NLGN1: variants seen among roughly 807,000 people sequenced by gnomAD.
NLGN1 encodes the protein neuroligin 1.
In NLGN1, 12 loss-of-function variants were observed where a neutral mutation model predicts 65.5. That is an observed-to-expected ratio of 0.18 (90% CI 0.12 to 0.30). The LOEUF is 0.30. Ranked by LOEUF, NLGN1 falls within the 10% of genes least tolerant of loss-of-function variation. NLGN1 has a pLI of 1.00. For synonymous variants in NLGN1, 350 were observed against 359.5 expected, an observed-to-expected ratio of 0.97 and a Z score of 0.30; for missense variants, 750 against 1,007.1, an observed-to-expected ratio of 0.74 and a Z score of 3.46.
intron 3 of NLGN1, among the ~76,000 whole-genome samples, chr3:173,791,868 C>T (rs1188616421): frequency 1.3e-5 from 2 of 152,024 alleles, no homozygotes; most frequent in African/African-American, 4.8e-5. Context: ...GTTTCTTCAC[C>T]TGTGAAATGA....
chr3:173,638,634 T>C (rs1756958841), intron 3 of NLGN1, among the ~76,000 whole-genome samples: 1 of 152,186 alleles, frequency 6.6e-6, no homozygotes, highest in African/African-American at 2.4e-5. Flanking sequence ...TTTGATGAGA[T>C]AGTATACAAG....
chr3:174,124,650 T>G (rs1455966811), intron 4 of NLGN1, among the ~76,000 whole-genome samples: 2 of 147,644 alleles, frequency 1.4e-5, no homozygotes, highest in African/African-American at 4.9e-5. Context: ...TATAAGTACA[T>G]ACTTATATAT....
intron 4 of NLGN1, among the ~76,000 whole-genome samples, chr3:173,897,492 T>C (rs1255967635): frequency 2.6e-5 from 4 of 152,212 alleles, no homozygotes; most frequent in South Asian, 2.1e-4. Context: ...CAAATATGAA[T>C]AGCTAAGGTT....
chr3:173,645,294 C>T (rs1758068583), intron 3 of NLGN1, among the ~76,000 whole-genome samples: 1 of 152,246 alleles, frequency 6.6e-6, no homozygotes. Context: ...CCCTCCCTCA[C>T]AGACATGCAT....
chr3:173,678,971 G>A (rs1471290152), intron 3 of NLGN1, among the ~76,000 whole-genome samples: 1 of 151,988 alleles, frequency 6.6e-6, no homozygotes, highest in Non-Finnish European at 1.5e-5. Context: ...GAGAGAAAAA[G>A]TATGGTAAAT....
chr3:173,502,823 A>T (rs1731377306), intron 2 of NLGN1, among the ~76,000 whole-genome samples: 1 of 152,198 alleles, frequency 6.6e-6, no homozygotes, highest in Admixed American at 6.6e-5. Context: ...AAGGGATTTG[A>T]TGTTAAAATA....
chr3:174,293,472 C>A, the NLGN1 span, among the ~76,000 whole-genome samples: 1 of 151,236 alleles, frequency 6.6e-6, no homozygotes, highest in Non-Finnish European at 1.5e-5. Flanking sequence ...GAAAAAAACA[C>A]CTGTGAAAGC....
chr3:174,223,746 C>G (rs989017618), intron 4 of NLGN1, among the ~76,000 whole-genome samples: 6 of 152,156 alleles, frequency 3.9e-5, no homozygotes, highest in Non-Finnish European at 8.8e-5. Flanking sequence ...TGCATATTTG[C>G]ATCTCAAATC....
intron 2 of NLGN1, among the ~76,000 whole-genome samples, chr3:173,602,477 A>C (rs1404202224): frequency 1.3e-5 from 2 of 152,030 alleles, no homozygotes; most frequent in African/African-American, 4.8e-5. Flanking sequence ...CCATCATGGC[A>C]TGCAGAATTC....
intron 2 of NLGN1, among the ~76,000 whole-genome samples, chr3:173,517,747 A>AATTT (rs1269597431): frequency 8.6e-6 from 1 of 116,058 alleles, no homozygotes; most frequent in African/African-American, 3.1e-5. Context: ...TGCTTTCGCA[A>AATTT]ATTTATCTAT....
At chr3:174,106,361 T>A (rs1713800423) in intron 4 of NLGN1, among the ~76,000 whole-genome samples, 1 of 152,080 alleles carries the variant, frequency 6.6e-6, no homozygotes, top group African/African-American at 2.4e-5. Flanking sequence ...TAATCTGATC[T>A]TTTCTCTCAA....
intron 4 of NLGN1, among the ~76,000 whole-genome samples, chr3:174,190,481 A>T (rs1732181380): frequency 6.6e-6 from 1 of 152,028 alleles, no homozygotes; most frequent in Non-Finnish European, 1.5e-5. Flanking sequence ...TTAAAATTAA[A>T]CTTATTAGAC....
At chr3:174,005,035 C>A (rs980846916) in intron 4 of NLGN1, among the ~76,000 whole-genome samples, 2 of 151,988 alleles carry the variant, frequency 1.3e-5, no homozygotes, top group East Asian at 3.9e-4. Context: ...ATTAATATTT[C>A]CCTAATGAAA....
intron 3 of NLGN1, among the ~76,000 whole-genome samples, chr3:173,768,469 C>G (rs922129719): frequency 6.6e-6 from 1 of 150,938 alleles, no homozygotes; most frequent in African/African-American, 2.4e-5. Flanking sequence ...CTCTTAGGAT[C>G]TTGAGATTTT....
chr3:173,901,575 T>TA (rs967124753), intron 4 of NLGN1, among the ~76,000 whole-genome samples: 3 of 152,032 alleles, frequency 2.0e-5, no homozygotes, highest in Non-Finnish European at 2.9e-5. Flanking sequence ...GTATGATCCT[T>TA]ATTTCTAAGA....
In NLGN1 at chr3:173,946,105, C is replaced by T. The variant is rs750460960; in HGVS notation, c.646+138273C>T. On this transcript the variant is annotated intron_variant, in intron 4 of 6. Coordinates refer to ENST00000457714, the Ensembl canonical transcript of NLGN1. Reference sequence around the variant, plus strand: ...CTTTAACACAACAGGAAAAGGCCCACCTAATACTTTTCCTTTTGTTAAATT... The same window carrying T: ...CTTTAACACAACAGGAAAAGGCCCATCTAATACTTTTCCTTTTGTTAAATT... Among the ~76,000 whole-genome samples, 3 of 152,260 alleles carry T rather than the reference C, an allele frequency of 2.0e-5. No homozygotes were observed. In the Middle Eastern group the frequency reaches 0.01, roughly 518 times the overall value.
chr3:174,155,029 TATA>T (rs1490051660), intron 4 of NLGN1, among the ~76,000 whole-genome samples: 16 of 130,498 alleles, frequency 1.2e-4, no homozygotes, highest in African/African-American at 2.7e-4. Flanking sequence ...TATATAAAAT[TATA>T]ATAATATAAT....
At chr3:173,828,429 A>G (rs148441145) in intron 4 of NLGN1, among the ~76,000 whole-genome samples, 1 of 152,232 alleles carries the variant, frequency 6.6e-6, no homozygotes, top group African/African-American at 2.4e-5. Context: ...CCCAGGATAT[A>G]AGAGTTTTTC....
chr3:173,522,187 T>C (rs1734867015), intron 2 of NLGN1, among the ~76,000 whole-genome samples: 2 of 152,252 alleles, frequency 1.3e-5, no homozygotes, highest in African/African-American at 4.8e-5. Flanking sequence ...CACTTGTAGA[T>C]GAGAACATGC....
Sources: allele counts gnomAD v4.1 joint callset (sites outside exome capture counted in the v4.1 genomes callset), GRCh38; gene constraint gnomAD v4.1.1; transcripts MANE v1.5; gene names NCBI Gene and HGNC (gene_info 2026-07-23, HGNC 2026-07-21).